Variants in SH3BP1 observed in about 807,000 individuals in gnomAD.
SH3BP1 encodes SH3 domain binding protein 1.
In SH3BP1, 46 loss-of-function variants were observed where a neutral mutation model predicts 69.8. That is an observed-to-expected ratio of 0.66 (90% confidence interval 0.52 to 0.84). The LOEUF (loss-of-function observed/expected upper bound fraction) is 0.84. Ranked by LOEUF, SH3BP1 falls within the 40% of genes least tolerant of loss-of-function variation. The pLI is 0.00. For missense variants in SH3BP1, 868 were observed against 930.9 expected (o/e 0.93, Z 0.88); for synonymous variants, 403 against 378.0 (o/e 1.07, Z -0.77).
At position 37,655,899 on chromosome 22, in the gene SH3BP1, C is replaced by G; in HGVS notation, c.*215C>G. 2 of 1,561,602 alleles carry G rather than the reference C, an allele frequency of 1.3e-6. No homozygotes were observed. The highest frequency in any genetic ancestry group is 1.7e-6 in the Non-Finnish European group (2 of 1,161,130). On this transcript the variant is annotated 3_prime_UTR_variant, in exon 18 of 18. Transcript: ENST00000649765. ...CGTCCACCCTGGGCTTGGGGACCCC[C>G]CCACCGGACTCTCCACTCTCCGGCA...
At chr22:37,653,740 G>C in intron 16 of SH3BP1, 39 bp from the exon 17 acceptor site, 1 of 1,428,120 alleles carries the variant, frequency 7.0e-7, no homozygotes, top group South Asian at 1.2e-5. Context: ...ACTTCTGGGA[G>C]GTGGCTAAGT....
Position 37,644,862 on chromosome 22 carries a change from C to T in SH3BP1, c.688-8C>T. The T allele has an allele frequency of 6.2e-7, 1 of 1,613,874 alleles. No homozygotes were observed. Among genetic ancestry groups the T allele is most frequent in the Admixed American group, 1.7e-5 (1 of 60,012 alleles). ...ACTTCCGCTCAGGGTGTCCCTTCAT[C>T]CCCACAGCTCCTGGAGATTCAGGCC... is the stretch of plus-strand genomic sequence containing the variant. On this transcript the variant is annotated splice_region_variant and splice_polypyrimidine_tract_variant and intron_variant, in intron 8 of 17. Transcript: ENST00000649765.
At chr22:37,652,685 C>G (rs957256481) in intron 16 of SH3BP1, among the ~76,000 whole-genome samples, 2 of 150,326 alleles carry the variant, frequency 1.3e-5, no homozygotes, top group Non-Finnish European at 3.0e-5. Context: ...ATTAGCCAGG[C>G]ATGGTAGTGC....
rs1932768007 is a variant in SH3BP1 at position 37,645,456 on chromosome 22, C to A, written c.870C>A (p.Ala290=). The A allele has an allele frequency of 6.2e-7, 1 of 1,613,870 alleles. No homozygotes were observed. Among genetic ancestry groups the A allele is most frequent in the Non-Finnish European group, 8.5e-7 (1 of 1,179,836 alleles). Residue 290 remains alanine, a synonymous_variant, in exon 10 of 18, where the codon GCC becomes GCA. Coordinates refer to ENST00000649765, the MANE Select transcript of SH3BP1 (RefSeq NM_018957.6). ...THLQELGREI[A]LPIEACVMML... ...TGCAAGAGCTGGGCCGGGAGATTGCCCTGCCCATCGAGGCCTGCGTCATGA... is the reference window on the plus strand; with the variant it reads ...TGCAAGAGCTGGGCCGGGAGATTGCACTGCCCATCGAGGCCTGCGTCATGA...
chr22:37,640,960 G>C (rs142352121), intron 1 of SH3BP1, 166 bp from the exon 2 acceptor site: 2 of 631,354 alleles, frequency 3.2e-6, no homozygotes, highest in Non-Finnish European at 5.7e-6. Context: ...AATGTGCTCC[G>C]ACTGGGATGA....
chr22:37,645,551 C>T (rs369134113), intron 10 of SH3BP1, 41 bp downstream of exon 10: 2 of 1,577,256 alleles, frequency 1.3e-6, no homozygotes, highest in African/African-American at 2.7e-5. Flanking sequence ...GCACTGGGGC[C>T]CTCATTCTGT....
intron 11 of SH3BP1, 138 bp downstream of exon 11, chr22:37,647,067 C>T (rs1364487530): frequency 8.3e-6 from 6 of 723,898 alleles, no homozygotes; most frequent in South Asian, 1.9e-5. Context: ...ATGTGGGGTC[C>T]ATCATGAGCC....
intron 13 of SH3BP1, among the ~76,000 whole-genome samples, chr22:37,647,805 A>G (rs1388585445): frequency 1.2e-4 from 18 of 151,926 alleles, no homozygotes; most frequent in Middle Eastern, 3.4e-3. Context: ...CCTCCCGAGT[A>G]GCTAGGACTA....
chr22:37,650,065 C>A, intron 14 of SH3BP1, 87 bp from the exon 15 acceptor site: 1 of 1,399,568 alleles, frequency 7.1e-7, no homozygotes, highest in South Asian at 1.2e-5. Flanking sequence ...TATGATGGAT[C>A]CTTGTGTCTC....
chr22:37,643,508 G>T, intron 6 of SH3BP1, 136 bp from the exon 7 acceptor site: 4 of 1,275,020 alleles, frequency 3.1e-6, no homozygotes, highest in Non-Finnish European at 4.4e-6. Flanking sequence ...AGCCTGGGCA[G>T]AGGCCCCGGC....
intron 9 of SH3BP1, 131 bp from the exon 10 acceptor site, chr22:37,645,234 G>C (rs1932762719): frequency 8.2e-7 from 1 of 1,224,320 alleles, no homozygotes; most frequent in Non-Finnish European, 1.1e-6. Context: ...AGATGTGACG[G>C]ATGATTTCAG....
rs888495812 is a variant in SH3BP1, at chr22:37,639,709, A to G, written c.-79A>G. 1.7e-5 allele frequency: 15 copies of G among 881,518 alleles called. No homozygotes were observed. The highest frequency in any genetic ancestry group is 2.5e-5 in the Non-Finnish European group (15 of 611,328). The allele number at this position is 881,518 out of a possible 1,614,324, so 54.6% of individuals were successfully genotyped here. On this transcript the variant is annotated 5_prime_UTR_variant, in exon 1 of 18. Coordinates refer to ENST00000649765, the MANE Select transcript of SH3BP1 (RefSeq NM_018957.6). Reference sequence around the variant, plus strand: ...CCATCCGGGGCAAGAGCCGCGCCGCAGGAGAGGCAGGCTGGACCGGGGGCT... The same window carrying G: ...CCATCCGGGGCAAGAGCCGCGCCGCGGGAGAGGCAGGCTGGACCGGGGGCT...
rs1273637786 is a variant in SH3BP1, at chr22:37,643,183, C to T, written c.473+9C>T. 1 of 1,601,706 alleles carries T rather than the reference C, an allele frequency of 6.2e-7. No individual in the cohort carries two copies. The highest frequency in any genetic ancestry group is 1.7e-5 in the Admixed American group (1 of 58,592). ...AACACACTCAAGAGCAGGTGGGAGC[C>T]CCAGCCGCTCAGGGGGCTCATATCT... On this transcript the variant is annotated intron_variant, in intron 6 of 17. Transcript: ENST00000649765.
rs754189814 is a variant in SH3BP1, at chr22:37,647,438, C to CA, written c.1119-2dup. 4.3e-6 allele frequency: 7 copies of CA among 1,612,174 alleles called. No individual in the cohort carries two copies. The Admixed American group carries it at 1.2e-4, about 27-fold the overall frequency. On this transcript the variant is annotated splice_region_variant and splice_polypyrimidine_tract_variant and intron_variant, in intron 12 of 17. Transcript: ENST00000649765. ...GCTGACAGGTCTCTCCACTCCCCCC[C>CA]AGCCTGAAGGAGCCAGGGGCCCGGC...
chr22:37,643,609 G>A (rs1932694957), intron 6 of SH3BP1, 35 bp from the exon 7 acceptor site: 6 of 1,613,644 alleles, frequency 3.7e-6, no homozygotes, highest in Non-Finnish European at 5.1e-6. Context: ...CATGCAACAG[G>A]GCAGGTGACC....
At position 37,644,578 on chromosome 22, in the gene SH3BP1, C is replaced by T; in HGVS notation, c.619-59C>T. Reference sequence around the variant, plus strand: ...GGTCACCAACCCTTCCAAGCCTCCTCTTCCCCTCTAGACCCCACAGCCTCA... The same window carrying T: ...GGTCACCAACCCTTCCAAGCCTCCTTTTCCCCTCTAGACCCCACAGCCTCA... On this transcript the variant is annotated intron_variant, in intron 7 of 17. Coordinates refer to ENST00000649765, the MANE Select transcript of SH3BP1 (RefSeq NM_018957.6). 3.9e-6 allele frequency: 6 copies of T among 1,551,966 alleles called. No individual in the cohort carries two copies. In the South Asian group the frequency reaches 5.6e-5, roughly 14 times the overall value.
chr22:37,649,742 C>G (rs544810859), intron 14 of SH3BP1: 1 of 266,366 alleles, frequency 3.8e-6, no homozygotes, highest in South Asian at 3.7e-5. Flanking sequence ...CAAGATCGGG[C>G]CACTGCACCC....
intron 10 of SH3BP1, 138 bp from the exon 11 acceptor site, chr22:37,646,680 G>A (rs1224392648): frequency 4.4e-6 from 2 of 458,802 alleles, no homozygotes; most frequent in Non-Finnish European, 7.7e-6. Flanking sequence ...TGGACACCGT[G>A]GTGCCCACAC....
Position 37,656,113 on chromosome 22 carries a change from C to G in SH3BP1, c.*429C>G, listed in dbSNP as rs1283388709. On this transcript the variant is annotated 3_prime_UTR_variant, in exon 18 of 18. Coordinates refer to ENST00000649765, the MANE Select transcript of SH3BP1 (RefSeq NM_018957.6). ...GAAGCCAATTTTATAAAGGGGAAAA[C>G]AATACATATTCTTTGCCTCCTTTCT... 8.7e-7 allele frequency: 1 copy of G among 1,156,066 alleles called. No individual in the cohort carries two copies. Among genetic ancestry groups the G allele is most frequent in the East Asian group, 5.6e-5 (1 of 17,738 alleles). 71.6% of individuals were successfully genotyped at this position (1,156,066 alleles called of 1,614,324 possible).
Sources: gnomAD v4.1 joint callset for allele counts (sites outside exome capture counted in the v4.1 genomes callset) on GRCh38, gnomAD v4.1.1 for gene constraint, MANE v1.5 for transcripts, NCBI Gene and HGNC (gene_info 2026-07-23, HGNC 2026-07-21) for gene names.